The following RANGAP1 variants were observed in gnomAD, a reference collection of about 807,000 sequenced individuals.
RANGAP1 encodes Ran GTPase activating protein 1.
A neutral mutation model predicts 63.5 loss-of-function variants in RANGAP1; 38 were observed. The observed-to-expected ratio is 0.60, with a 90% CI of 0.46 to 0.78. The LOEUF (loss-of-function observed/expected upper bound fraction) is 0.78, where lower values mean the gene tolerates loss of function less well. Among genes scored for constraint, RANGAP1 ranks in the 30% least tolerant of loss-of-function variants. The pLI is 0.00. For missense variants in RANGAP1, 630 were observed against 740.3 expected (o/e 0.85, Z 1.73); for synonymous variants, 329 against 310.5 (o/e 1.06, Z -0.63).
Position 41,249,341 on chromosome 22 carries a change from C to A in RANGAP1, c.1683G>T (p.Ala561=). Residue 561 remains alanine, a synonymous_variant, in exon 15 of 16, where the codon GCG becomes GCT. Transcript: ENST00000356244. The part of the protein sequence containing the change: ...FPKALAPLLL[A]FVTKPNSALE... ...AAGGCCACACTCACTTGGTCACGAA[C>A]GCCAGCAGCAGGGGTGCAAGGGCCT... 6.2e-7 allele frequency: 1 copy of A among 1,604,768 alleles called. No homozygotes were observed. The highest frequency in any genetic ancestry group is 8.5e-7 in the Non-Finnish European group (1 of 1,174,642).
intron 12 of RANGAP1, 65 bp from the exon 13 acceptor site, chr22:41,251,174 C>A: frequency 7.4e-7 from 1 of 1,347,516 alleles, no homozygotes; most frequent in South Asian, 1.2e-5. Context: ...GGCTCTGACG[C>A]TAGCTAGGAG....
intron 3 of RANGAP1, among the ~76,000 whole-genome samples, chr22:41,271,897 G>A (rs1448244292): frequency 2.6e-5 from 4 of 152,204 alleles, no homozygotes; most frequent in Non-Finnish European, 5.9e-5. Flanking sequence ...CCCTGCCCCT[G>A]CCCTGGGCTG....
At chr22:41,280,624 G>T (rs1601715779) in intron 2 of RANGAP1, 1 of 1,266,884 alleles carries the variant, frequency 7.9e-7, no homozygotes, top group Non-Finnish European at 1.0e-6. Context: ...CGGATATTAA[G>T]TCAGAGTCAG....
At chr22:41,276,336 T>C (rs2035142820) in intron 2 of RANGAP1, among the ~76,000 whole-genome samples, 1 of 152,116 alleles carries the variant, frequency 6.6e-6, no homozygotes, top group South Asian at 2.1e-4. Flanking sequence ...TATAATATAA[T>C]CCCAATTAAA....
intron 2 of RANGAP1, among the ~76,000 whole-genome samples, chr22:41,279,578 G>A (rs1400254280): frequency 6.6e-6 from 1 of 151,608 alleles, no homozygotes; most frequent in African/African-American, 2.4e-5. Context: ...CCAGGCAGAG[G>A]TTAAAGTGAG....
At chr22:41,291,636 C>T in the RANGAP1 span, among the ~76,000 whole-genome samples, 6 of 146,500 alleles carry the variant, frequency 4.1e-5, no homozygotes, top group South Asian at 1.3e-3. Context: ...CAGTGGCTCA[C>T]GCCTGTAATC....
intron 2 of RANGAP1, 44 bp from the exon 3 acceptor site, chr22:41,274,771 A>G (rs1285755809): frequency 6.2e-7 from 1 of 1,610,144 alleles, no homozygotes; most frequent in Non-Finnish European, 8.5e-7. Flanking sequence ...TTGGAATCAC[A>G]AACAGCTAAG....
At chr22:41,295,668 C>G in the RANGAP1 span, among the ~76,000 whole-genome samples, 2 of 147,198 alleles carry the variant, frequency 1.4e-5, no homozygotes, top group African/African-American at 5.0e-5. Flanking sequence ...AAATCCCCCT[C>G]TGCGAGAAAC....
chr22:41,285,818 G>T, intron 1 of RANGAP1, 168 bp downstream of exon 1: 1 of 656,574 alleles, frequency 1.5e-6, no homozygotes, highest in Non-Finnish European at 1.9e-6. Flanking sequence ...AGCCAGCGCC[G>T]CTCAACAACC....
At chr22:41,285,123 C>G (rs1267904768) in intron 1 of RANGAP1, 2 of 152,078 alleles carry the variant, frequency 1.3e-5, no homozygotes, top group Non-Finnish European at 2.9e-5. Context: ...TTCCACTACA[C>G]TCCAGCCTGG....
chr22:41,277,234 C>T (rs557477575), intron 2 of RANGAP1, among the ~76,000 whole-genome samples: 34 of 151,510 alleles, frequency 2.2e-4, no homozygotes, highest in Middle Eastern at 3.4e-3. Context: ...CCCGCCACTA[C>T]GCCCGGCTAA....
At chr22:41,302,230 G>A in the RANGAP1 span, among the ~76,000 whole-genome samples, 3 of 151,554 alleles carry the variant, frequency 2.0e-5, no homozygotes, top group Admixed American at 6.6e-5. The surrounding 1 kb of genome is among the most constrained non-coding windows in gnomAD (Gnocchi z 5.7). Context: ...CTTTTGTGTT[G>A]TCCTTGGCCC....
chr22:41,272,915 C>T (rs1271178261), intron 3 of RANGAP1, among the ~76,000 whole-genome samples: 1 of 151,890 alleles, frequency 6.6e-6, no homozygotes, highest in African/African-American at 2.4e-5. Flanking sequence ...CAGGCTCAAG[C>T]GATCCTCTCA....
At chr22:41,250,110 G>A (rs571310403) in intron 13 of RANGAP1, among the ~76,000 whole-genome samples, 1 of 152,262 alleles carries the variant, frequency 6.6e-6, no homozygotes, top group Non-Finnish European at 1.5e-5. Flanking sequence ...TCACACCGTG[G>A]GAATGGAGAT....
chr22:41,267,459 CAGG>C (rs2034548313), intron 4 of RANGAP1, among the ~76,000 whole-genome samples: 1 of 152,194 alleles, frequency 6.6e-6, no homozygotes, highest in Non-Finnish European at 1.5e-5. Context: ...AGCCCCGTGC[CAGG>C]AGGACACACT....
chr22:41,251,879 T>C (rs1408132883), intron 12 of RANGAP1, among the ~76,000 whole-genome samples: 2 of 152,168 alleles, frequency 1.3e-5, no homozygotes, highest in African/African-American at 4.8e-5. Context: ...ACCAAAGTGA[T>C]AGGCCACAGA....
chr22:41,292,710 C>T, the RANGAP1 span, among the ~76,000 whole-genome samples: 74 of 151,982 alleles, frequency 4.9e-4, no homozygotes, highest in African/African-American at 1.8e-3. Flanking sequence ...CATGCCATTG[C>T]GCTCCAGCCT....
intron 8 of RANGAP1, 101 bp downstream of exon 8, chr22:41,256,610 T>G: frequency 2.0e-6 from 2 of 1,010,966 alleles, no homozygotes; most frequent in Non-Finnish European, 2.9e-6. Context: ...AGCTGGGATA[T>G]GGACACAGGC....
chr22:41,271,396 C>CG (rs1206531734), intron 3 of RANGAP1, among the ~76,000 whole-genome samples: 2 of 133,874 alleles, frequency 1.5e-5, no homozygotes, highest in Non-Finnish European at 3.1e-5. Flanking sequence ...TAAAAAAAAA[C>CG]AAAAAAAAAA....
Sources: gnomAD v4.1 joint callset for allele counts (sites outside exome capture counted in the v4.1 genomes callset) on GRCh38, gnomAD v4.1.1 for gene constraint, Gnocchi (gnomAD v3.1) non-coding constraint, MANE v1.5 for transcripts, NCBI Gene and HGNC (gene_info 2026-07-23, HGNC 2026-07-21) for gene names.